Variants in IRAK1BP1 observed in about 807,000 individuals in gnomAD.
IRAK1BP1 encodes interleukin 1 receptor associated kinase 1 binding protein 1, also known as interleukin-1 receptor-associated kinase 1-binding protein 1.
IRAK1BP1 carries 24 observed loss-of-function variants against 28.0 expected under a neutral mutation model. The ratio of observed to expected loss-of-function variants is 0.86; its 90% confidence interval spans 0.62 to 1.20. IRAK1BP1 has a LOEUF of 1.20. Among genes scored for constraint, IRAK1BP1 ranks in the 50% most tolerant of loss-of-function variants. The pLI is 0.00. For synonymous variants in IRAK1BP1, 131 were observed against 116.3 expected (o/e 1.13, Z -0.81); for missense variants, 336 against 316.7 (o/e 1.06, Z -0.46).
the IRAK1BP1 span, among the ~76,000 whole-genome samples, chr6:78,971,703 T>A: frequency 6.6e-6 from 1 of 152,228 alleles, no homozygotes; most frequent in African/African-American, 2.4e-5. Flanking sequence ...GGGTGAGGCA[T>A]TGCCTCACTC....
At chr6:78,919,458 A>G (rs1009826750) in intron 4 of IRAK1BP1, among the ~76,000 whole-genome samples, 1 of 152,194 alleles carries the variant, frequency 6.6e-6, no homozygotes, top group Non-Finnish European at 1.5e-5. Flanking sequence ...AGGTTAACAA[A>G]GAAAAAAAGA....
chr6:78,945,236 C>A, intron 4 of IRAK1BP1: 1 of 1,215,916 alleles, frequency 8.2e-7, no homozygotes, highest in Non-Finnish European at 1.2e-6. Flanking sequence ...AATGCTGATT[C>A]CAACAAAAGC....
chr6:78,921,543 A>C (rs955318172), intron 4 of IRAK1BP1, among the ~76,000 whole-genome samples: 1 of 152,222 alleles, frequency 6.6e-6, no homozygotes, highest in Non-Finnish European at 1.5e-5. Flanking sequence ...CTGCAGACTT[A>C]AATGTCCCTG....
chr6:78,902,989 C>T lies in IRAK1BP1; in HGVS notation c.*4655C>T. ...GTTTATCAGAAGGATATTTCTGTTT[C>T]AGCAACTCCTGGAATCCTTCTTCAA... On this transcript the variant is annotated 3_prime_UTR_variant, in exon 4 of 4. Transcript: ENST00000369940. The T allele has an allele frequency of 6.9e-7, 1 of 1,444,380 alleles. No individual in the cohort carries two copies. The highest frequency in any genetic ancestry group is 9.4e-7 in the Non-Finnish European group (1 of 1,064,408). 89.5% of individuals were successfully genotyped at this position (1,444,380 alleles called of 1,614,324 possible).
At chr6:78,978,748 CAA>C in the IRAK1BP1 span, 1 of 1,518,626 alleles carries the variant, frequency 6.6e-7, no homozygotes, top group Non-Finnish European at 9.0e-7. Context: ...AAGTAATAAT[CAA>C]AAAAGCATTA....
downstream of IRAK1BP1, among the ~76,000 whole-genome samples, chr6:78,905,840 A>T (rs144682273): frequency 1.3e-3 from 201 of 152,026 alleles, 1 homozygote; most frequent in East Asian, 0.032. Context: ...TGACCTCGTG[A>T]TCCACCTGCC....
At chr6:78,955,170 G>A in the IRAK1BP1 span, 1 of 1,155,172 alleles carries the variant, frequency 8.7e-7, no homozygotes, top group South Asian at 1.5e-5. Context: ...AAAAAATAAA[G>A]AAAGCTCTTA....
chr6:78,903,063 T>C lies in IRAK1BP1; in HGVS notation c.*4729T>C, dbSNP rs1340494986. ...AGATAGCCATGTCACCTGTGAATTA[T>C]CATGAATCCCACATCAAATGAACAA... On this transcript the variant is annotated 3_prime_UTR_variant, in exon 4 of 4. Transcript: ENST00000369940. 3 of 1,533,142 alleles carry C rather than the reference T, an allele frequency of 2.0e-6. No homozygotes were observed. Among genetic ancestry groups the C allele is most frequent in the Non-Finnish European group, 2.6e-6 (3 of 1,144,280 alleles). 95.0% of individuals were successfully genotyped at this position (1,533,142 alleles called of 1,614,324 possible). A position where few individuals can be genotyped will look rare whatever the true frequency, so the allele number is the denominator to read the frequency against.
chr6:78,890,875 G>A (rs558162265), intron 2 of IRAK1BP1, among the ~76,000 whole-genome samples: 145 of 152,266 alleles, frequency 9.5e-4, no homozygotes, highest in Admixed American at 3.0e-3. Flanking sequence ...AGGATCTGAT[G>A]GATTAATGCC....
chr6:78,882,311 A>G (rs1033514925), intron 1 of IRAK1BP1, among the ~76,000 whole-genome samples: 1 of 152,208 alleles, frequency 6.6e-6, no homozygotes, highest in African/African-American at 2.4e-5. Flanking sequence ...GGCCAAAGCT[A>G]GAACAATTGA....
chr6:78,927,370 T>A (rs183868499), intron 4 of IRAK1BP1, among the ~76,000 whole-genome samples: 36 of 152,304 alleles, frequency 2.4e-4, no homozygotes, highest in African/African-American at 8.4e-4. Context: ...TTCAAATCTT[T>A]TGCCCATTTT....
chr6:78,954,334 C>A, the IRAK1BP1 span, among the ~76,000 whole-genome samples: 19 of 151,944 alleles, frequency 1.3e-4, no homozygotes, highest in African/African-American at 3.9e-4. Flanking sequence ...TCTCGATCTC[C>A]TGACCTCGTG....
the IRAK1BP1 span, among the ~76,000 whole-genome samples, chr6:78,953,864 G>A: frequency 1.3e-5 from 2 of 152,048 alleles, no homozygotes; most frequent in African/African-American, 4.8e-5. Context: ...GGGATTACAG[G>A]TGTAAGACAC....
At chr6:78,872,676 C>A (rs1770832968) in intron 1 of IRAK1BP1, among the ~76,000 whole-genome samples, 1 of 152,110 alleles carries the variant, frequency 6.6e-6, no homozygotes, top group Non-Finnish European at 1.5e-5. Context: ...GATTAGGGAT[C>A]CTCAACTGGT....
intron 4 of IRAK1BP1, among the ~76,000 whole-genome samples, chr6:78,934,943 G>GT (rs894868317): frequency 6.6e-6 from 1 of 152,134 alleles, no homozygotes; most frequent in African/African-American, 2.4e-5. Context: ...AGACTAATCA[G>GT]TAAGTGGTAA....
exon 5 of IRAK1BP1, chr6:78,945,873 T>A: frequency 1.4e-6 from 1 of 703,780 alleles, no homozygotes; most frequent in Non-Finnish European, 2.4e-6. Context: ...AATAGGAAAT[T>A]AATAAAGAAG....
At chr6:78,918,953 A>G (rs1292785183) in intron 4 of IRAK1BP1, among the ~76,000 whole-genome samples, 1 of 152,232 alleles carries the variant, frequency 6.6e-6, no homozygotes, top group Admixed American at 6.5e-5. Flanking sequence ...ATGCTTGGCC[A>G]TAAAGCAAGT....
intron 1 of IRAK1BP1, chr6:78,872,102 G>A (rs557005910): frequency 1.4e-6 from 1 of 700,834 alleles, no homozygotes; most frequent in Non-Finnish European, 2.6e-6. Flanking sequence ...AGAGACCCCA[G>A]CATCTTCACC....
the IRAK1BP1 span, chr6:78,965,598 A>G: frequency 8.9e-6 from 6 of 672,072 alleles, no homozygotes; most frequent in African/African-American, 1.1e-4. Flanking sequence ...AATGTTTTCT[A>G]TTTGATACTC....
Sources: allele counts gnomAD v4.1 joint callset (sites outside exome capture counted in the v4.1 genomes callset), GRCh38; gene constraint gnomAD v4.1.1; transcripts MANE v1.5; gene names NCBI Gene and HGNC (gene_info 2026-07-23, HGNC 2026-07-21).